The following SGCD variants were observed in gnomAD, a reference collection of about 807,000 sequenced individuals.
SGCD encodes delta-sarcoglycan.
In SGCD, 18 loss-of-function variants were observed where a neutral mutation model predicts 36.6. The ratio of observed to expected loss-of-function variants is 0.49; its 90% confidence interval spans 0.34 to 0.73. SGCD has a LOEUF of 0.73. SGCD is among the 30% of genes least tolerant of loss of function. SGCD has a pLI of 0.01. For missense variants in SGCD, 387 were observed against 346.7 expected, an observed-to-expected ratio of 1.12 and a Z score of -0.92; for synonymous variants, 133 against 130.6, an observed-to-expected ratio of 1.02 and a Z score of -0.12.
chr5:156,334,397 C>T (rs77092270), intron 2 of SGCD, among the ~76,000 whole-genome samples: 1 of 152,152 alleles, frequency 6.6e-6, no homozygotes, highest in Admixed American at 6.5e-5. Context: ...TTTTGCTGCC[C>T]AAGGGCATTC....
chr5:156,140,158 T>G (rs1395439656), intron 3 of SGCD, among the ~76,000 whole-genome samples: 2 of 152,172 alleles, frequency 1.3e-5, no homozygotes, highest in Non-Finnish European at 1.5e-5. Context: ...AGTACAAAAT[T>G]ACAAGATAGA....
At chr5:155,953,510 T>TCATC (rs1757585828) in intron 1 of SGCD, among the ~76,000 whole-genome samples, 1 of 152,154 alleles carries the variant, frequency 6.6e-6, no homozygotes, top group Admixed American at 6.5e-5. Context: ...ATTCAATCAG[T>TCATC]CATCACCTGC....
intron 3 of SGCD, among the ~76,000 whole-genome samples, chr5:156,217,998 G>A (rs1764616489): frequency 2.6e-5 from 4 of 151,958 alleles, no homozygotes; most frequent in Admixed American, 1.3e-4. Flanking sequence ...TTTCAGTCTG[G>A]GTGTGGTAGC....
chr5:155,868,193 A>C (rs1211163166), upstream of SGCD, among the ~76,000 whole-genome samples: 1 of 151,952 alleles, frequency 6.6e-6, no homozygotes, highest in Non-Finnish European at 1.5e-5. Context: ...CTGGGATTAC[A>C]GGCATGTACC....
chr5:156,415,296 G>T (rs999131867), intron 3 of SGCD, among the ~76,000 whole-genome samples: 1 of 152,180 alleles, frequency 6.6e-6, no homozygotes, highest in African/African-American at 2.4e-5. Context: ...CCCTGCTCTT[G>T]CATGATATTA....
the SGCD span, among the ~76,000 whole-genome samples, chr5:155,753,129 A>C: frequency 6.6e-6 from 1 of 152,112 alleles, no homozygotes; most frequent in Non-Finnish European, 1.5e-5. Context: ...CGAGGTCAAG[A>C]GATCAAGACC....
At chr5:156,612,338 CTT>C (rs1178209424) in intron 6 of SGCD, among the ~76,000 whole-genome samples, 4 of 152,214 alleles carry the variant, frequency 2.6e-5, no homozygotes, top group African/African-American at 9.6e-5. Flanking sequence ...CAGCTGAAAA[CTT>C]TGTCAGTGAT....
intron 2 of SGCD, among the ~76,000 whole-genome samples, chr5:156,122,312 T>C (rs1443589366): frequency 4.6e-5 from 7 of 152,196 alleles, no homozygotes; most frequent in Admixed American, 3.3e-4. Context: ...CTTGCATGCA[T>C]GGAGTTTACA....
chr5:156,040,422 ATCTG>A (rs1388297538), intron 1 of SGCD, among the ~76,000 whole-genome samples: 1 of 152,218 alleles, frequency 6.6e-6, no homozygotes, highest in Non-Finnish European at 1.5e-5. Context: ...CAAAATGTGG[ATCTG>A]TCCCTGATTA....
intron 4 of SGCD, among the ~76,000 whole-genome samples, chr5:156,557,946 A>ATC (rs1280342129): frequency 6.6e-6 from 1 of 151,674 alleles, no homozygotes; most frequent in Non-Finnish European, 1.5e-5. Flanking sequence ...GTTGTCCATC[A>ATC]AAAATGGAAA....
At chr5:155,744,259 A>G in the SGCD span, among the ~76,000 whole-genome samples, 2 of 152,134 alleles carry the variant, frequency 1.3e-5, no homozygotes, top group Non-Finnish European at 2.9e-5. Flanking sequence ...CAGGAGCTTG[A>G]GACCATCCTG....
intron 1 of SGCD, among the ~76,000 whole-genome samples, chr5:156,056,517 G>A (rs1760062041): frequency 6.9e-6 from 1 of 144,068 alleles, no homozygotes; most frequent in African/African-American, 2.5e-5. Flanking sequence ...ATCTGGCTCA[G>A]CTAGTTCTGC....
chr5:155,772,959 C>T, the SGCD span, among the ~76,000 whole-genome samples: 1 of 152,068 alleles, frequency 6.6e-6, no homozygotes, highest in Non-Finnish European at 1.5e-5. Flanking sequence ...GAACTCTTAC[C>T]CACCAGGAGG....
intron 3 of SGCD, among the ~76,000 whole-genome samples, chr5:156,142,240 G>A (rs1338719529): frequency 6.6e-6 from 1 of 152,212 alleles, no homozygotes; most frequent in Admixed American, 6.5e-5. Flanking sequence ...CTCCCCGGAA[G>A]CAGAAGCCAC....
chr5:156,086,278 C>G (rs575249549), intron 1 of SGCD, among the ~76,000 whole-genome samples: 1 of 152,266 alleles, frequency 6.6e-6, no homozygotes, highest in South Asian at 2.1e-4. Context: ...TGCTCTTTTC[C>G]TTTTTCCTTC....
At chr5:156,500,216 T>TC (rs1340439802) in intron 3 of SGCD, among the ~76,000 whole-genome samples, 2 of 152,140 alleles carry the variant, frequency 1.3e-5, no homozygotes, top group African/African-American at 4.8e-5. Flanking sequence ...TTTTTGTCAT[T>TC]CCCCACACTA....
intron 6 of SGCD, among the ~76,000 whole-genome samples, chr5:156,613,356 A>G (rs1761900441): frequency 6.6e-6 from 1 of 152,092 alleles, no homozygotes; most frequent in South Asian, 2.1e-4. Context: ...AGGAGTATTC[A>G]TATATCAGGT....
intron 2 of SGCD, among the ~76,000 whole-genome samples, chr5:156,118,166 G>A (rs1761948701): frequency 6.6e-6 from 1 of 152,100 alleles, no homozygotes; most frequent in East Asian, 1.9e-4. Flanking sequence ...AGCACAGAGG[G>A]CCCACTGTCT....
intron 7 of SGCD, among the ~76,000 whole-genome samples, chr5:156,728,697 C>A (rs890766318): frequency 7.9e-5 from 12 of 151,968 alleles, no homozygotes; most frequent in Admixed American, 7.9e-4. Flanking sequence ...CCAACAGTTG[C>A]TTAGAGTAGC....
Sources: allele counts gnomAD v4.1 joint callset (sites outside exome capture counted in the v4.1 genomes callset), GRCh38; gene constraint gnomAD v4.1.1; transcripts MANE v1.5; gene names NCBI Gene and HGNC (gene_info 2026-07-23, HGNC 2026-07-21).